PRR16: variants seen among roughly 807,000 people sequenced by gnomAD.
The protein encoded by PRR16 is proline rich 16, also known as protein Largen.
A neutral mutation model predicts 18.2 loss-of-function variants in PRR16; 6 were observed. The observed-to-expected ratio is 0.33, with a 90% CI of 0.18 to 0.65. The LOEUF is 0.65. Among genes scored for constraint, PRR16 ranks in the 30% least tolerant of loss-of-function variants. The pLI is 0.74. For synonymous variants in PRR16, 151 were observed against 147.8 expected (o/e 1.02, Z -0.16); for missense variants, 412 against 376.6 (o/e 1.09, Z -0.78).
At chr5:120,716,396 C>T in the PRR16 span, among the ~76,000 whole-genome samples, 1 of 152,194 alleles carries the variant, frequency 6.6e-6, no homozygotes, top group Non-Finnish European at 1.5e-5. Context: ...ACTCCATAAA[C>T]CAGCATCAGA....
chr5:120,509,992 G>C (rs548681799), intron 1 of PRR16, among the ~76,000 whole-genome samples: 33 of 152,208 alleles, frequency 2.2e-4, no homozygotes, highest in Non-Finnish European at 4.4e-4. Flanking sequence ...ACACATCCAT[G>C]TTTGGACTAG....
chr5:120,545,173 A>AT (rs529013607), intron 1 of PRR16, among the ~76,000 whole-genome samples: 17 of 151,988 alleles, frequency 1.1e-4, no homozygotes, highest in Non-Finnish European at 2.2e-4. Context: ...TACAGATGGC[A>AT]TTTTTTTCGT....
In PRR16 at chr5:120,471,664, ATTGT is replaced by A. The variant is rs543855323; in HGVS notation, c.159+7026_159+7029del. 2.8e-3 allele frequency among the ~76,000 whole-genome samples: 426 copies of A among 152,202 alleles called. 4 individuals are homozygous for A. Among genetic ancestry groups the A allele is most frequent in the African/African-American group, 9.2e-3 (384 of 41,560 alleles). On this transcript the variant is annotated intron_variant, in intron 1 of 1. Coordinates refer to ENST00000407149, the MANE Select transcript of PRR16 (RefSeq NM_001300783.2). Reference sequence around the variant, plus strand: ...TTATAAGAAATGGCCTTATTCTAAAATTGTTTGTTTTCTTTTCCAGTATGTTATG... The same window carrying A: ...TTATAAGAAATGGCCTTATTCTAAAATTGTTTTCTTTTCCAGTATGTTATG...
intron 1 of PRR16, among the ~76,000 whole-genome samples, chr5:120,489,551 C>T (rs1198646851): frequency 6.6e-6 from 1 of 152,102 alleles, no homozygotes; most frequent in Non-Finnish European, 1.5e-5. Context: ...TGTGTCTCTG[C>T]ACGTGAGATG....
At chr5:120,722,853 TTCTC>T in the PRR16 span, among the ~76,000 whole-genome samples, 1 of 151,744 alleles carries the variant, frequency 6.6e-6, no homozygotes, top group Non-Finnish European at 1.5e-5. Context: ...GGAATTTTCT[TTCTC>T]TGCAGATCTG....
At chr5:120,749,027 A>G in the PRR16 span, among the ~76,000 whole-genome samples, 1 of 152,142 alleles carries the variant, frequency 6.6e-6, no homozygotes, top group Non-Finnish European at 1.5e-5. Flanking sequence ...GCCACCTCCA[A>G]GTGGCAGTAG....
At chr5:120,497,384 A>ATTTTTTTT (rs765496177) in intron 1 of PRR16, among the ~76,000 whole-genome samples, 20 of 84,168 alleles carry the variant, frequency 2.4e-4, no homozygotes, top group African/African-American at 6.0e-4. Context: ...TGATGAACTG[A>ATTTTTTTT]TTTTTTTTTT....
intron 1 of PRR16, among the ~76,000 whole-genome samples, chr5:120,571,894 A>G (rs1232468860): frequency 1.3e-5 from 2 of 152,114 alleles, no homozygotes; most frequent in South Asian, 2.1e-4. Flanking sequence ...ACAGCTTCAC[A>G]TACATGCCTG....
At chr5:120,789,228 A>G in the PRR16 span, among the ~76,000 whole-genome samples, 1 of 152,130 alleles carries the variant, frequency 6.6e-6, no homozygotes, top group African/African-American at 2.4e-5. Context: ...GAGTGTAAGC[A>G]TCAATATTCT....
the PRR16 span, among the ~76,000 whole-genome samples, chr5:120,775,239 A>G: frequency 6.6e-6 from 1 of 152,200 alleles, no homozygotes; most frequent in African/African-American, 2.4e-5. Context: ...ATTATTTTGC[A>G]TAATAGCATA....
At chr5:120,624,920 G>A (rs1204547152) in intron 1 of PRR16, among the ~76,000 whole-genome samples, 1 of 152,046 alleles carries the variant, frequency 6.6e-6, no homozygotes, top group East Asian at 1.9e-4. Context: ...TTAAAAAGGA[G>A]AGGTTCCCTG....
At chr5:120,671,654 TA>T (rs1756610172) in intron 1 of PRR16, among the ~76,000 whole-genome samples, 2 of 152,284 alleles carry the variant, frequency 1.3e-5, no homozygotes, top group South Asian at 4.1e-4. Context: ...ATCTGAGATG[TA>T]AAAAGTAAAA....
At chr5:120,697,602 G>GT in the PRR16 span, among the ~76,000 whole-genome samples, 1 of 152,170 alleles carries the variant, frequency 6.6e-6, no homozygotes, top group African/African-American at 2.4e-5. Flanking sequence ...CAACATGGCT[G>GT]TTTATTTCAC....
chr5:120,581,348 G>A (rs531903082), intron 1 of PRR16, among the ~76,000 whole-genome samples: 147 of 152,246 alleles, frequency 9.7e-4, no homozygotes, highest in African/African-American at 3.4e-3. Context: ...TTGTATTTCT[G>A]TGGGATCAGT....
chr5:120,698,551 G>C, the PRR16 span, among the ~76,000 whole-genome samples: 1 of 147,156 alleles, frequency 6.8e-6, no homozygotes. Context: ...GTTGAGAACC[G>C]TGAATAGGAG....
intron 1 of PRR16, among the ~76,000 whole-genome samples, chr5:120,525,610 C>CTT (rs529926112): frequency 2.2e-4 from 28 of 129,052 alleles, no homozygotes; most frequent in South Asian, 7.4e-4. Flanking sequence ...ATCAATATTG[C>CTT]TTTTTTTTTT....
the PRR16 span, among the ~76,000 whole-genome samples, chr5:120,788,389 T>C: frequency 2.6e-5 from 4 of 152,150 alleles, no homozygotes; most frequent in African/African-American, 9.7e-5. Context: ...GCACATTTAA[T>C]TATCTTTGTT....
chr5:120,661,160 A>G (rs1756160928), intron 1 of PRR16, among the ~76,000 whole-genome samples: 1 of 152,096 alleles, frequency 6.6e-6, no homozygotes, highest in Admixed American at 6.6e-5. Context: ...TTTGAGCTTC[A>G]TATCTTTCTT....
At chr5:120,793,099 C>T in the PRR16 span, among the ~76,000 whole-genome samples, 1 of 152,144 alleles carries the variant, frequency 6.6e-6, no homozygotes, top group African/African-American at 2.4e-5. Flanking sequence ...TTGCAGCGAA[C>T]CAAGATTGTG....
Sources: gnomAD v4.1 joint callset for allele counts (sites outside exome capture counted in the v4.1 genomes callset) on GRCh38, gnomAD v4.1.1 for gene constraint, MANE v1.5 for transcripts, NCBI Gene and HGNC (gene_info 2026-07-23, HGNC 2026-07-21) for gene names.